Variants in GPLD1 observed in about 807,000 individuals in gnomAD.
GPLD1 encodes glycosylphosphatidylinositol specific phospholipase D1.
In GPLD1, 84 loss-of-function variants were observed where a neutral mutation model predicts 112.6. The ratio of observed to expected loss-of-function variants is 0.75; its 90% CI spans 0.63 to 0.89. The LOEUF is 0.89. GPLD1 is among the 40% of genes least tolerant of loss of function. The pLI is 0.00. For missense variants in GPLD1, 1,044 were observed against 1,051.5 expected, an observed-to-expected ratio of 0.99 and a Z score of 0.10; for synonymous variants, 386 against 403.8, an observed-to-expected ratio of 0.96 and a Z score of 0.53.
intron 2 of GPLD1, among the ~76,000 whole-genome samples, chr6:24,482,341 C>T (rs528792536): frequency 1.6e-4 from 25 of 152,068 alleles, no homozygotes. Flanking sequence ...AGTGCAATGG[C>T]ATGATCTCGG....
intron 5 of GPLD1, among the ~76,000 whole-genome samples, chr6:24,474,174 T>TACACACACACACAC (rs56324939): frequency 1.4e-3 from 210 of 145,622 alleles, no homozygotes; most frequent in African/African-American, 5.0e-3. Context: ...CACACCCACA[T>TACACACACACACAC]ACACACACAC....
At chr6:24,460,217 C>T (rs1389812628) in intron 12 of GPLD1, 62 bp downstream of exon 12, 3 of 1,587,574 alleles carry the variant, frequency 1.9e-6, no homozygotes, top group Non-Finnish European at 1.7e-6. Context: ...AGGGACTCAG[C>T]GAAACAAGGT....
chr6:24,469,843 G>A (rs898764036), intron 7 of GPLD1, among the ~76,000 whole-genome samples: 15 of 152,126 alleles, frequency 9.9e-5, no homozygotes, highest in Admixed American at 9.2e-4. Context: ...ACTTTAGTAG[G>A]TTTCTTTTAG....
chr6:24,438,661 C>T (rs908290665), intron 20 of GPLD1, among the ~76,000 whole-genome samples: 6 of 152,348 alleles, frequency 3.9e-5, no homozygotes, highest in Admixed American at 6.5e-5. Flanking sequence ...CTTTCTGATA[C>T]AGGGCAAACA....
intron 5 of GPLD1, 52 bp downstream of exon 5, chr6:24,475,069 G>C: frequency 1.1e-6 from 1 of 902,486 alleles, no homozygotes; most frequent in Non-Finnish European, 1.9e-6. Context: ...TTGATCTTAG[G>C]TGAGACAGTA....
At chr6:24,460,258 C>T (rs1466712998) in intron 12 of GPLD1, 21 bp downstream of exon 12, 4 of 1,613,440 alleles carry the variant, frequency 2.5e-6, no homozygotes, top group Non-Finnish European at 3.4e-6. Flanking sequence ...TCTTTCTCAA[C>T]TTAGAGCAGA....
At chr6:24,494,881 A>G in intron 1 of GPLD1, 2 of 1,156,904 alleles carry the variant, frequency 1.7e-6, no homozygotes, top group Non-Finnish European at 2.2e-6. Context: ...GCCAGCTCCC[A>G]CGCTTTCCCC....
Position 24,437,292 on chromosome 6 carries a change from G to A in GPLD1, c.2021-3C>T, listed in dbSNP as rs1244358453. 1.2e-6 allele frequency: 2 copies of A among 1,612,480 alleles called. No homozygotes were observed. Among genetic ancestry groups the A allele is most frequent in the Admixed American group, 1.7e-5 (1 of 59,992 alleles). Reference sequence around the variant, plus strand: ...GAATGCCACCTTAGACACGTCATCTGAAACGAACCACAGTTCCTGCTGGCC... The same window carrying A: ...GAATGCCACCTTAGACACGTCATCTAAAACGAACCACAGTTCCTGCTGGCC... On this transcript the variant is annotated splice_polypyrimidine_tract_variant and splice_region_variant and intron_variant, in intron 20 of 24. Coordinates refer to ENST00000230036, the MANE Select transcript of GPLD1 (RefSeq NM_001503.4).
chr6:24,451,987 A>AG (rs1763106418), intron 14 of GPLD1, among the ~76,000 whole-genome samples: 1 of 152,256 alleles, frequency 6.6e-6, no homozygotes, highest in Non-Finnish European at 1.5e-5. Flanking sequence ...AAAGCAGGCC[A>AG]GGCCTTGAGT....
chr6:24,466,996 G>A lies in GPLD1; in HGVS notation c.654-57C>T. The A allele has an allele frequency of 1.1e-5, 16 of 1,453,530 alleles. 1 individual carries two copies. The South Asian group carries it at 1.8e-4, about 17-fold the overall frequency. The allele number at this position is 1,453,530 out of a possible 1,614,324, so 90.0% of individuals were successfully genotyped here. A position where few individuals can be genotyped will look rare whatever the true frequency, so the allele number is the denominator to read the frequency against. Reference sequence around the variant, plus strand: ...TTGCAGTTTGTAACAGAGAAATGAAGCAAATAATGAAGAAAAAGTTCCATC... The same window carrying A: ...TTGCAGTTTGTAACAGAGAAATGAAACAAATAATGAAGAAAAAGTTCCATC... On this transcript the variant is annotated intron_variant, in intron 8 of 24. Coordinates refer to ENST00000230036, the MANE Select transcript of GPLD1 (RefSeq NM_001503.4).
chr6:24,446,266 A>T (rs1762906225), intron 18 of GPLD1, among the ~76,000 whole-genome samples: 1 of 152,038 alleles, frequency 6.6e-6, no homozygotes, highest in Admixed American at 6.6e-5. Context: ...AGAAGAGGAG[A>T]GGCAGGAGGA....
chr6:24,460,739 AT>A (rs535822410), intron 11 of GPLD1, among the ~76,000 whole-genome samples: 31,499 of 138,912 alleles, frequency 0.23, 3,219 homozygotes, highest in African/African-American at 0.31. Flanking sequence ...AAGCATACTG[AT>A]TTTTTTTTTT....
At chr6:24,477,748 C>CT (rs1188223387) in intron 3 of GPLD1, among the ~76,000 whole-genome samples, 1 of 113,366 alleles carries the variant, frequency 8.8e-6, no homozygotes, top group Non-Finnish European at 1.9e-5. Context: ...GTAAAAATAA[C>CT]TTTAAAAAAA....
intron 20 of GPLD1, among the ~76,000 whole-genome samples, chr6:24,437,869 C>T (rs954975299): frequency 6.6e-6 from 1 of 152,166 alleles, no homozygotes; most frequent in African/African-American, 2.4e-5. Context: ...CTCAGGTGTC[C>T]CCTCCTCTGG....
At position 24,428,885 on chromosome 6, in the gene GPLD1, AGT is replaced by A. The variant is rs1191458926; in HGVS notation, c.*145_*146del. 7.8e-6 allele frequency: 4 copies of A among 515,396 alleles called. No individual in the cohort carries two copies. Among genetic ancestry groups the A allele is most frequent in the Non-Finnish European group, 1.1e-5 (3 of 285,286 alleles). The allele number at this position is 515,396 out of a possible 1,614,324, so 31.9% of individuals were successfully genotyped here. A position where few individuals can be genotyped will look rare whatever the true frequency, so the allele number is the denominator to read the frequency against. Reference sequence around the variant, plus strand: ...CAGATTTCCAGAGGGTGTGGCTGTTAGTGTGTCTCTCTACTCCCAGGAGCCCC... The same window carrying A: ...CAGATTTCCAGAGGGTGTGGCTGTTAGTGTCTCTCTACTCCCAGGAGCCCC... On this transcript the variant is annotated 3_prime_UTR_variant, in exon 25 of 25. Transcript: ENST00000230036.
intron 17 of GPLD1, among the ~76,000 whole-genome samples, 193 bp downstream of exon 17, chr6:24,447,682 CTG>C (rs1014061453): frequency 6.6e-6 from 1 of 152,198 alleles, no homozygotes; most frequent in Non-Finnish European, 1.5e-5. Flanking sequence ...TACCTAGAAA[CTG>C]TGGGTCACCT....
chr6:24,495,226 C>T (rs1417067364), upstream of GPLD1: 5 of 1,514,072 alleles, frequency 3.3e-6, no homozygotes, highest in South Asian at 3.7e-5. Flanking sequence ...GCCACCTTCC[C>T]CGTGCAAGAC....
chr6:24,455,617 T>G (rs751547199), intron 13 of GPLD1, among the ~76,000 whole-genome samples: 3 of 152,188 alleles, frequency 2.0e-5, no homozygotes, highest in Non-Finnish European at 4.4e-5. Flanking sequence ...TTTATAAAAC[T>G]GTCATGGTAT....
chr6:24,489,314 G>A (rs1199061366), intron 1 of GPLD1, 101 bp downstream of exon 1: 2 of 876,498 alleles, frequency 2.3e-6, no homozygotes, highest in African/African-American at 3.3e-5. Flanking sequence ...AGTGCCCAGG[G>A]GAAACTGTAT....
Sources: gnomAD v4.1 joint callset for allele counts (sites outside exome capture counted in the v4.1 genomes callset) on GRCh38, gnomAD v4.1.1 for gene constraint, MANE v1.5 for transcripts, NCBI Gene and HGNC (gene_info 2026-07-23, HGNC 2026-07-21) for gene names.